Variants in PDE4D observed in about 807,000 individuals in gnomAD.
PDE4D encodes phosphodiesterase 4D.
Under a neutral mutation model 87.4 loss-of-function variants are expected in PDE4D, and 24 were observed. The observed-to-expected ratio is 0.27, with a 90% CI of 0.20 to 0.39. PDE4D has a LOEUF of 0.39. Ranked by LOEUF, PDE4D falls within the 10% of genes least tolerant of loss-of-function variation. The pLI, the probability that PDE4D is intolerant of heterozygous loss-of-function variation, is 1.00. For missense variants in PDE4D, 714 were observed against 1,041.0 expected, an observed-to-expected ratio of 0.69 and a Z score of 4.32; for synonymous variants, 384 against 383.2, an observed-to-expected ratio of 1.00 and a Z score of -0.02.
At chr5:60,353,455 C>G (rs368859802) in intron 1 of PDE4D, among the ~76,000 whole-genome samples, 43 of 152,332 alleles carry the variant, frequency 2.8e-4, no homozygotes, top group African/African-American at 1.0e-3. Flanking sequence ...ACAAGATATC[C>G]CCATAACCCT....
intron 5 of PDE4D, among the ~76,000 whole-genome samples, chr5:59,063,791 G>C (rs1763487821): frequency 6.6e-6 from 1 of 152,122 alleles, no homozygotes; most frequent in Non-Finnish European, 1.5e-5. Flanking sequence ...GATAAAAACA[G>C]AGATAATCAG....
chr5:59,277,876 A>C (rs1765121093), intron 1 of PDE4D, among the ~76,000 whole-genome samples: 3 of 152,100 alleles, frequency 2.0e-5, no homozygotes, highest in African/African-American at 7.2e-5. Context: ...TTCTCTGAAA[A>C]CCTAACACAC....
chr5:59,508,136 C>T (rs1809614587), intron 1 of PDE4D, among the ~76,000 whole-genome samples: 1 of 151,870 alleles, frequency 6.6e-6, no homozygotes, highest in Non-Finnish European at 1.5e-5. Context: ...TTCCTGAAGG[C>T]ATTTACCAAT....
At chr5:59,660,424 C>T (rs1315229292) in intron 1 of PDE4D, among the ~76,000 whole-genome samples, 1 of 151,910 alleles carries the variant, frequency 6.6e-6, no homozygotes, top group African/African-American at 2.4e-5. Flanking sequence ...TTTATTTTTT[C>T]TCTCTCAAAA....
intron 1 of PDE4D, among the ~76,000 whole-genome samples, chr5:60,411,379 C>A (rs1266276080): frequency 6.6e-6 from 1 of 152,160 alleles, no homozygotes; most frequent in Admixed American, 6.5e-5. Flanking sequence ...CTAGAACTAT[C>A]CTGGCCTTTC....
intron 1 of PDE4D, among the ~76,000 whole-genome samples, chr5:59,682,704 G>A (rs1749229014): frequency 6.6e-6 from 1 of 152,120 alleles, no homozygotes; most frequent in African/African-American, 2.4e-5. Context: ...GAGCTAGAAA[G>A]CTGATCCTCA....
intron 1 of PDE4D, among the ~76,000 whole-genome samples, chr5:60,432,268 T>C (rs895531543): frequency 5.3e-5 from 8 of 152,202 alleles, no homozygotes; most frequent in Non-Finnish European, 1.0e-4. Context: ...GCTGGCCTCA[T>C]AGAATGAGTT....
At chr5:58,992,311 A>G (rs1748097026) in intron 7 of PDE4D, among the ~76,000 whole-genome samples, 1 of 152,224 alleles carries the variant, frequency 6.6e-6, no homozygotes, top group South Asian at 2.1e-4. Flanking sequence ...GACTCAGAAT[A>G]CACAACAGGT....
chr5:60,436,560 G>T (rs1401102233), intron 1 of PDE4D, among the ~76,000 whole-genome samples: 2 of 152,016 alleles, frequency 1.3e-5, no homozygotes, highest in Admixed American at 6.6e-5. Context: ...TTAAGATCAA[G>T]AATTCATTTA....
chr5:59,626,256 G>C (rs1241776959), intron 1 of PDE4D, among the ~76,000 whole-genome samples: 5 of 152,198 alleles, frequency 3.3e-5, no homozygotes. Flanking sequence ...AAGTCAACAA[G>C]AGAATTAGAT....
chr5:59,413,723 A>C (rs1335218629), intron 1 of PDE4D, among the ~76,000 whole-genome samples: 1 of 152,108 alleles, frequency 6.6e-6, no homozygotes, highest in African/African-American at 2.4e-5. Context: ...AAACACTGTG[A>C]ATTTTTTGCT....
At chr5:60,370,357 A>G (rs1760916000) in intron 1 of PDE4D, among the ~76,000 whole-genome samples, 1 of 152,212 alleles carries the variant, frequency 6.6e-6, no homozygotes, top group African/African-American at 2.4e-5. Context: ...TTTATAATTC[A>G]TTAGAGGTGT....
chr5:59,878,246 C>T (rs1341940047), intron 1 of PDE4D, among the ~76,000 whole-genome samples: 1 of 152,186 alleles, frequency 6.6e-6, no homozygotes, highest in East Asian at 1.9e-4. Context: ...CCTATGCTTT[C>T]ACAATCAAAA....
intron 5 of PDE4D, among the ~76,000 whole-genome samples, chr5:59,105,912 G>T (rs1289769359): frequency 6.6e-6 from 1 of 152,180 alleles, no homozygotes. Context: ...CCTAACACTA[G>T]TAATACCTAG....
chr5:60,084,713 C>G (rs145606022), intron 2 of PDE4D, among the ~76,000 whole-genome samples: 3 of 152,316 alleles, frequency 2.0e-5, no homozygotes, highest in Admixed American at 2.0e-4. Flanking sequence ...AACTGTTAAT[C>G]CTGCACCCCT....
At chr5:59,091,302 C>T (rs1351087106) in intron 5 of PDE4D, among the ~76,000 whole-genome samples, 6 of 151,976 alleles carry the variant, frequency 3.9e-5, no homozygotes, top group South Asian at 2.1e-4. Flanking sequence ...CAAAAATGTA[C>T]GCTTATGTGC....
chr5:59,049,890 A>G (rs915238847), intron 5 of PDE4D, among the ~76,000 whole-genome samples: 1 of 152,172 alleles, frequency 6.6e-6, no homozygotes, highest in Non-Finnish European at 1.5e-5. Context: ...TTTAGCATTT[A>G]TATCTCTCTC....
intron 1 of PDE4D, among the ~76,000 whole-genome samples, chr5:59,406,084 A>C (rs1791555518): frequency 6.6e-6 from 1 of 152,056 alleles, no homozygotes; most frequent in Non-Finnish European, 1.5e-5. Flanking sequence ...TCTATTTTTC[A>C]GAATAGTTTG....
intron 5 of PDE4D, among the ~76,000 whole-genome samples, chr5:59,145,327 G>A (rs6892369): frequency 0.23 from 35,374 of 151,984 alleles, 4,364 homozygotes; most frequent in African/African-American, 0.28. Context: ...GTGCTCTTCC[G>A]AATCTTTCAT....
Sources: gnomAD v4.1 joint callset for allele counts (sites outside exome capture counted in the v4.1 genomes callset) on GRCh38, gnomAD v4.1.1 for gene constraint, MANE v1.5 for transcripts, NCBI Gene and HGNC (gene_info 2026-07-23, HGNC 2026-07-21) for gene names.